SULT1C3: variants seen among roughly 807,000 people sequenced by gnomAD.
SULT1C3 encodes the protein sulfotransferase 1C3.
A neutral mutation model predicts 28.4 loss-of-function variants in SULT1C3; 31 were observed. That is an observed-to-expected ratio of 1.09 (90% CI 0.82 to 1.47). The LOEUF is 1.47. Among genes scored for constraint, SULT1C3 ranks in the 40% most tolerant of loss-of-function variants. The pLI, the probability that SULT1C3 is intolerant of heterozygous loss-of-function variation, is 0.00. For missense variants in SULT1C3, 307 were observed against 272.5 expected (o/e 1.13, Z -0.89); for synonymous variants, 106 against 92.2 (o/e 1.15, Z -0.86).
downstream of SULT1C3, among the ~76,000 whole-genome samples, chr2:108,263,855 A>C (rs1334596562): frequency 1.3e-5 from 2 of 152,196 alleles, no homozygotes; most frequent in East Asian, 1.9e-4. Context: ...CAGTTTTCAA[A>C]ATATTCTTCT....
chr2:108,256,422 A>G (rs777979935), intron 5 of SULT1C3, among the ~76,000 whole-genome samples: 5 of 152,138 alleles, frequency 3.3e-5, no homozygotes, highest in Non-Finnish European at 7.4e-5. Context: ...ACATATTTGT[A>G]TGAGCATTAA....
At position 108,247,170 on chromosome 2, in the gene SULT1C3, T is replaced by C. The variant is rs1558661938; in HGVS notation, c.-7-18T>C. The C allele has an allele frequency of 2.0e-6, 3 of 1,473,998 alleles. No homozygotes were observed. Among genetic ancestry groups the C allele is most frequent in the Non-Finnish European group, 1.8e-6 (2 of 1,109,224 alleles). 91.3% of individuals were successfully genotyped at this position (1,473,998 alleles called of 1,614,324 possible). Reference sequence around the variant, plus strand: ...CATTTTTAAAAATTTTAATTAGTATTGATCTTACCCATCCCAGATTCCCAA... The same window carrying C: ...CATTTTTAAAAATTTTAATTAGTATCGATCTTACCCATCCCAGATTCCCAA... On this transcript the variant is annotated intron_variant, in intron 1 of 7. Transcript: ENST00000681802.
rs1441405742 is a variant in SULT1C3 at position 108,259,066 on chromosome 2, T to C, written c.722T>C (p.Met241Thr). The change falls in exon 7 of 8, where the codon ATG becomes ACG. Residue 241 changes from methionine to threonine, a missense_variant. Coordinates refer to ENST00000681802, the MANE Select transcript of SULT1C3 (RefSeq NM_001320878.2). ...KIVHHTSFDVMKDNPMANHTA... is the reference protein window; with the variant it reads ...KIVHHTSFDVTKDNPMANHTA... ...GTCCACCATACCTCATTTGATGTAA[T>C]GAAGGATAATCCCATGGCCAACCAT... 4 of 657,872 alleles carry C rather than the reference T, an allele frequency of 6.1e-6. No individual in the cohort carries two copies. Among genetic ancestry groups the C allele is most frequent in the Admixed American group, 4.2e-5 (2 of 47,372 alleles). The allele number at this position is 657,872 out of a possible 1,614,324, so 40.8% of individuals were successfully genotyped here. A position where few individuals can be genotyped will look rare whatever the true frequency, so the allele number is the denominator to read the frequency against.
At chr2:108,263,534 T>C (rs116047467), downstream of SULT1C3, among the ~76,000 whole-genome samples, 1,233 of 152,316 alleles carry the variant, frequency 8.1e-3, 20 homozygotes, top group African/African-American at 0.028. Flanking sequence ...TACTTCCTGC[T>C]GAGTGAGTGT....
In SULT1C3 at chr2:108,258,742, G is replaced by A. The variant is rs2219078; in HGVS notation, c.535G>A (p.Gly179Arg). 358,953 of 1,605,922 alleles carry A rather than the reference G, an allele frequency of 0.22. 49,767 individuals are homozygous for A. Among genetic ancestry groups the A allele is most frequent in the East Asian group, 0.74 (32,971 of 44,738 alleles). Residue 179 changes from glycine to arginine, a missense_variant, in exon 6 of 8, where the codon GGG becomes AGG. By Grantham distance (125) the Gly-to-Arg change is moderately radical (BLOSUM62 -2). Coordinates refer to ENST00000681802, the MANE Select transcript of SULT1C3 (RefSeq NM_001320878.2). The part of the protein sequence containing the change: ...EKFMSGKVVG[G>R]SWFDHVKGWW... ...GCTCTGACTTCTTCCAGTTGTTGGCGGGTCCTGGTTTGACCATGTGAAAGG... is the reference window on the plus strand; with the variant it reads ...GCTCTGACTTCTTCCAGTTGTTGGCAGGTCCTGGTTTGACCATGTGAAAGG...
downstream of SULT1C3, among the ~76,000 whole-genome samples, chr2:108,262,887 G>A (rs896534560): frequency 1.3e-5 from 2 of 152,268 alleles, no homozygotes; most frequent in African/African-American, 2.4e-5. Context: ...CATTCAGAGG[G>A]CCTGGAAATT....
chr2:108,241,105 C>G lies in SULT1C3; in HGVS notation c.-8+1022C>G, dbSNP rs527744098. Among the ~76,000 whole-genome samples the G allele has an allele frequency of 4.6e-5, 7 of 152,316 alleles. No individual in the cohort carries two copies. The South Asian group carries it at 1.5e-3, about 32-fold the overall frequency. On this transcript the variant is annotated intron_variant, in intron 1 of 7. Transcript: ENST00000681802. ...TTAGAAAGTGACATTCCTGACTGAC[C>G]AGAGGTTAGGAACCCTGTGCCACAC...
intron 5 of SULT1C3, among the ~76,000 whole-genome samples, chr2:108,256,415 T>C (rs571805395): frequency 3.9e-5 from 6 of 152,132 alleles, no homozygotes; most frequent in Admixed American, 1.3e-4. Flanking sequence ...CATCTTTACA[T>C]ATTTGTATGA....
At position 108,255,577 on chromosome 2, in the gene SULT1C3, C is replaced by T; in HGVS notation, c.405C>T (p.Val135=). The T allele has an allele frequency of 1.9e-6, 3 of 1,611,054 alleles. No individual in the cohort carries two copies. Among genetic ancestry groups the T allele is most frequent in the Non-Finnish European group, 2.5e-6 (3 of 1,178,162 alleles). Residue 135 remains valine, a synonymous_variant, in exon 5 of 8, where the codon GTC becomes GTT. Coordinates refer to ENST00000681802, the MANE Select transcript of SULT1C3 (RefSeq NM_001320878.2). ...TTCCCTCTCCTTGATTTCAGATTGT[C>T]TATGTGGCCAGAAATCCCAAGGATT... ...PSIWKENCKI[V]YVARNPKDCL...
downstream of SULT1C3, among the ~76,000 whole-genome samples, chr2:108,262,797 G>A (rs372175014): frequency 1.1e-4 from 16 of 152,166 alleles, no homozygotes; most frequent in African/African-American, 2.6e-4. Flanking sequence ...ACTGAGGGTC[G>A]GGCTGCTATT....
At chr2:108,264,755 G>C (rs971237524), downstream of SULT1C3, 18 of 1,456,942 alleles carry the variant, frequency 1.2e-5, no homozygotes, top group South Asian at 2.4e-4. Context: ...TCCAAATACT[G>C]TCCAAATGGA....
chr2:108,258,027 G>C (rs192973373), intron 5 of SULT1C3, among the ~76,000 whole-genome samples: 1 of 152,154 alleles, frequency 6.6e-6, no homozygotes, highest in East Asian at 1.9e-4. Context: ...TCTGGAGAAT[G>C]TTTTCCATCA....
intron 1 of SULT1C3, among the ~76,000 whole-genome samples, chr2:108,240,330 G>T (rs140931337): frequency 1.1e-4 from 17 of 152,168 alleles, no homozygotes; most frequent in Admixed American, 1.1e-3. Context: ...TTCCCTGATG[G>T]TCTGAAAGAA....
downstream of SULT1C3, among the ~76,000 whole-genome samples, chr2:108,261,444 C>T (rs150267852): frequency 6.6e-5 from 10 of 152,204 alleles, no homozygotes; most frequent in East Asian, 1.9e-3. Context: ...GTCTCTGTTG[C>T]ATCACTCTAA....
intron 5 of SULT1C3, 69 bp from the exon 6 acceptor site, chr2:108,258,665 A>T: frequency 9.2e-7 from 1 of 1,084,566 alleles, no homozygotes; most frequent in Non-Finnish European, 1.4e-6. Flanking sequence ...TCAAAGGAGC[A>T]CTAATTTACT....
chr2:108,258,222 T>A (rs1295408389), intron 5 of SULT1C3, among the ~76,000 whole-genome samples: 1 of 152,056 alleles, frequency 6.6e-6, no homozygotes, highest in Non-Finnish European at 1.5e-5. Flanking sequence ...AACTCAGGTG[T>A]CCACTCATTC....
At chr2:108,262,520 A>G (rs896126079), downstream of SULT1C3, among the ~76,000 whole-genome samples, 1 of 152,174 alleles carries the variant, frequency 6.6e-6, no homozygotes, top group African/African-American at 2.4e-5. Flanking sequence ...CTGAGAGTCC[A>G]GGTGTAGAAG....
chr2:108,247,115 T>C (rs539870264), intron 1 of SULT1C3, 73 bp from the exon 2 acceptor site: 329 of 1,182,032 alleles, frequency 2.8e-4, no homozygotes, highest in Non-Finnish European at 3.5e-4. Flanking sequence ...GGCAGTAAGA[T>C]GATAACCCAT....
At chr2:108,248,763 T>C (rs1675654896) in intron 2 of SULT1C3, among the ~76,000 whole-genome samples, 1 of 152,126 alleles carries the variant, frequency 6.6e-6, no homozygotes, top group Non-Finnish European at 1.5e-5. Context: ...CCCATGACAT[T>C]AGTCCTCTGT....
Sources: gnomAD v4.1 joint callset for allele counts (sites outside exome capture counted in the v4.1 genomes callset) on GRCh38, gnomAD v4.1.1 for gene constraint, MANE v1.5 for transcripts, NCBI Gene and HGNC (gene_info 2026-07-23, HGNC 2026-07-21) for gene names.